JPH3: variants seen among roughly 807,000 people sequenced by gnomAD.
JPH3 encodes junctophilin 3, also known as junctophilin-3.
In JPH3, 11 loss-of-function variants were observed where a neutral mutation model predicts 59.6. The observed-to-expected ratio is 0.18, with a 90% CI of 0.12 to 0.31. The LOEUF (loss-of-function observed/expected upper bound fraction) is 0.31. Ranked by LOEUF, JPH3 falls within the 10% of genes least tolerant of loss-of-function variation. JPH3 has a pLI of 1.00. For synonymous variants in JPH3, 673 were observed against 483.6 expected (o/e 1.39, Z -5.14); for missense variants, 1,202 against 1,105.7 (o/e 1.09, Z -1.24).
Position 87,690,357 on chromosome 16 carries a change from G to A in JPH3, c.1997G>A (p.Arg666Lys), listed in dbSNP as rs2033535643. Reference sequence around the variant, plus strand: ...AAGGCCCAGAACAAGGAGAACTTCAGGCCGGCCTCCTCCGCGGAGCCCGCC... The same window carrying A: ...AAGGCCCAGAACAAGGAGAACTTCAAGCCGGCCTCCTCCGCGGAGCCCGCC... ...RSKAQNKENF[R>K]PASSAEPAVQ... Residue 666 changes from arginine to lysine, a missense_variant, in exon 4 of 5, where the codon AGG (arginine) becomes AAG (lysine). Transcript: ENST00000284262. The A allele has an allele frequency of 2.6e-6, 4 of 1,560,502 alleles. No homozygotes were observed. The highest frequency in any genetic ancestry group is 3.5e-6 in the Non-Finnish European group (4 of 1,155,740).
At chr16:87,695,369 A>G (rs2033783521) in intron 4 of JPH3, 1 of 455,972 alleles carries the variant, frequency 2.2e-6, no homozygotes, top group Non-Finnish European at 4.4e-6. Context: ...TCCCTGAGGA[A>G]TGTGCATCCT....
chr16:87,681,816 G>C (rs2033302843), intron 2 of JPH3, among the ~76,000 whole-genome samples: 1 of 152,162 alleles, frequency 6.6e-6, no homozygotes, highest in South Asian at 2.1e-4. Flanking sequence ...TTTCCTTTGG[G>C]TCCTGGGCTG....
intron 1 of JPH3, among the ~76,000 whole-genome samples, chr16:87,608,434 C>T (rs1018909911): frequency 2.0e-5 from 3 of 152,122 alleles, no homozygotes; most frequent in African/African-American, 2.4e-5. Flanking sequence ...TCCGTGTCTC[C>T]GTGGACTGGC....
chr16:87,614,347 G>A (rs1441706069), intron 1 of JPH3, among the ~76,000 whole-genome samples: 4 of 151,848 alleles, frequency 2.6e-5, no homozygotes, highest in South Asian at 2.1e-4. Context: ...GGAGCTGTGC[G>A]TCCCCTCCAA....
chr16:87,636,127 A>C (rs1266337637), intron 1 of JPH3, among the ~76,000 whole-genome samples: 1 of 152,124 alleles, frequency 6.6e-6, no homozygotes, highest in Non-Finnish European at 1.5e-5. Flanking sequence ...CCTGTTCTGC[A>C]GGTGACCAGT....
intron 2 of JPH3, among the ~76,000 whole-genome samples, chr16:87,679,237 TTC>T (rs1341438658): frequency 2.0e-5 from 3 of 152,150 alleles, no homozygotes; most frequent in Non-Finnish European, 2.9e-5. Flanking sequence ...TGCTTAGGGT[TTC>T]TCTCTTTCTT....
chr16:87,640,103 C>A (rs895321752), intron 1 of JPH3, among the ~76,000 whole-genome samples: 1 of 152,046 alleles, frequency 6.6e-6, no homozygotes, highest in African/African-American at 2.4e-5. Flanking sequence ...TTGAGGTGGG[C>A]GGATCATGAG....
At chr16:87,672,818 C>G (rs1199301069) in intron 2 of JPH3, among the ~76,000 whole-genome samples, 1 of 152,142 alleles carries the variant, frequency 6.6e-6, no homozygotes, top group East Asian at 1.9e-4. Flanking sequence ...AGCTGGATCC[C>G]TACCTCATAC....
At chr16:87,639,784 C>T (rs2031883071) in intron 1 of JPH3, among the ~76,000 whole-genome samples, 1 of 152,226 alleles carries the variant, frequency 6.6e-6, no homozygotes, top group Non-Finnish European at 1.5e-5. Context: ...TCCAGCCTGG[C>T]TTATTCCACT....
At chr16:87,674,259 G>A (rs1490112897) in intron 2 of JPH3, among the ~76,000 whole-genome samples, 1 of 152,168 alleles carries the variant, frequency 6.6e-6, no homozygotes, top group Non-Finnish European at 1.5e-5. Flanking sequence ...GCGTGAACCC[G>A]GGAGGTGGAG....
At chr16:87,690,787 T>G (rs2033549424) in intron 4 of JPH3, among the ~76,000 whole-genome samples, 1 of 152,314 alleles carries the variant, frequency 6.6e-6, no homozygotes, top group Non-Finnish European at 1.5e-5. Context: ...ACTCCTGGTT[T>G]CCAGGCAGCA....
chr16:87,613,292 G>C (rs1211886069), intron 1 of JPH3, among the ~76,000 whole-genome samples: 1 of 151,198 alleles, frequency 6.6e-6, no homozygotes, highest in African/African-American at 2.4e-5. Context: ...GTAGAGACGG[G>C]GTTTCACCGT....
At position 87,603,016 on chromosome 16, in the gene JPH3, G is replaced by A. The variant is rs1247021513; in HGVS notation, c.-131G>A. The A allele has an allele frequency of 8.5e-7, 1 of 1,176,104 alleles. No homozygotes were observed. The highest frequency in any genetic ancestry group is 2.7e-5 in the East Asian group (1 of 37,664). The allele number at this position is 1,176,104 out of a possible 1,614,324, so 72.9% of individuals were successfully genotyped here. A position where few individuals can be genotyped will look rare whatever the true frequency, so the allele number is the denominator to read the frequency against. On this transcript the variant is annotated 5_prime_UTR_variant, in exon 1 of 5. Coordinates refer to ENST00000284262, the MANE Select transcript of JPH3 (RefSeq NM_020655.4). ...CGCGGCCGCCCGCGCCCGAGACCGC[G>A]CTCCGGGGCCGCGTCCTCCTCTCCT...
intron 1 of JPH3, among the ~76,000 whole-genome samples, chr16:87,629,908 AG>A (rs929476122): frequency 5.9e-5 from 9 of 152,142 alleles, no homozygotes; most frequent in African/African-American, 1.7e-4. Context: ...GTGGGGGGCG[AG>A]GGGATACAGT....
intron 1 of JPH3, among the ~76,000 whole-genome samples, chr16:87,634,918 T>G (rs2031684594): frequency 6.6e-6 from 1 of 152,260 alleles, no homozygotes; most frequent in South Asian, 2.1e-4. Context: ...TTTACCTGTC[T>G]CTGCCTCAGT....
chr16:87,655,259 C>T (rs576722055), intron 2 of JPH3, among the ~76,000 whole-genome samples: 5 of 152,356 alleles, frequency 3.3e-5, no homozygotes, highest in Admixed American at 1.3e-4. Context: ...CCAGGCCCTC[C>T]GGCCTCCCTG....
At chr16:87,696,276 T>C in intron 4 of JPH3, 5 of 491,010 alleles carry the variant, frequency 1.0e-5, no homozygotes, top group South Asian at 8.0e-5. Context: ...GCCTGGGTGG[T>C]TCTCTCCAAG....
chr16:87,656,700 G>C (rs1206001582), intron 2 of JPH3, among the ~76,000 whole-genome samples: 1 of 152,210 alleles, frequency 6.6e-6, no homozygotes, highest in African/African-American at 2.4e-5. Context: ...GGAGGAACGG[G>C]GGCCCCTACG....
chr16:87,603,586 C>A (rs1316598384), intron 1 of JPH3, 58 bp downstream of exon 1: 1 of 1,511,092 alleles, frequency 6.6e-7, no homozygotes, highest in Non-Finnish European at 8.9e-7. Flanking sequence ...CGATCGCGCC[C>A]CTTCTGTGGA....
Sources: gnomAD v4.1 joint callset for allele counts (sites outside exome capture counted in the v4.1 genomes callset) on GRCh38, gnomAD v4.1.1 for gene constraint, MANE v1.5 for transcripts, NCBI Gene and HGNC (gene_info 2026-07-23, HGNC 2026-07-21) for gene names.